Variants in LIPI observed in about 807,000 individuals in gnomAD.
The protein encoded by LIPI is lipase member I.
Under a neutral mutation model 50.6 loss-of-function variants are expected in LIPI, and 59 were observed. That is an observed-to-expected ratio of 1.16 (90% CI 0.94 to 1.45). The LOEUF (loss-of-function observed/expected upper bound fraction) is 1.45, where lower values mean the gene tolerates loss of function less well. LIPI is among the 40% of genes most tolerant of loss of function. The pLI is 0.00. For synonymous variants in LIPI, 203 were observed against 178.2 expected, an observed-to-expected ratio of 1.14 and a Z score of -1.11; for missense variants, 586 against 536.3, an observed-to-expected ratio of 1.09 and a Z score of -0.92.
At chr21:14,195,229 TATCTGG>T (rs1218120143) in intron 1 of LIPI, among the ~76,000 whole-genome samples, 1 of 152,134 alleles carries the variant, frequency 6.6e-6, no homozygotes, top group Admixed American at 6.6e-5. Context: ...GGGTCTCTTA[TATCTGG>T]ATGTTGCTGG....
chr21:14,182,665 A>T (rs2019313046), intron 3 of LIPI, among the ~76,000 whole-genome samples: 1 of 152,034 alleles, frequency 6.6e-6, no homozygotes, highest in South Asian at 2.1e-4. Context: ...AGGGATGTGA[A>T]GGACCTCTTC....
At chr21:14,146,572 C>T (rs1217602329) in intron 8 of LIPI, among the ~76,000 whole-genome samples, 2 of 152,058 alleles carry the variant, frequency 1.3e-5, no homozygotes, top group South Asian at 2.1e-4. Flanking sequence ...CTCTCCAATC[C>T]ACTGTGGTTA....
At position 14,161,703 on chromosome 21, in the gene LIPI, CATT is replaced by C. The variant is rs1430517568; in HGVS notation, c.1006+1713_1006+1715del. On this transcript the variant is annotated intron_variant, in intron 7 of 9. Coordinates refer to ENST00000681601, the MANE Select transcript of LIPI (RefSeq NM_001302998.2). Reference sequence around the variant, plus strand: ...ATTATATATTAATGTATAATATATACATTATTATATATTAATATATAATATATA... The same window carrying C: ...ATTATATATTAATGTATAATATATACATTATATATTAATATATAATATATA... 3.2e-3 allele frequency among the ~76,000 whole-genome samples: 283 copies of C among 87,792 alleles called. 6 individuals are homozygous for C. Among genetic ancestry groups the C allele is most frequent in the Non-Finnish European group, 4.6e-3 (226 of 49,456 alleles). The allele number at this position is 87,792 out of a possible 152,430, so 57.6% of individuals were successfully genotyped here.
intron 4 of LIPI, among the ~76,000 whole-genome samples, chr21:14,172,738 G>A (rs1007717108): frequency 6.6e-6 from 1 of 151,682 alleles, no homozygotes; most frequent in Non-Finnish European, 1.5e-5. Flanking sequence ...AGGGGGGAGG[G>A]ATAGCACTAG....
intron 9 of LIPI, among the ~76,000 whole-genome samples, chr21:14,137,281 C>T (rs943569056): frequency 2.0e-5 from 3 of 152,032 alleles, no homozygotes; most frequent in Non-Finnish European, 4.4e-5. Flanking sequence ...AACTATGTGA[C>T]CTTTTAGACA....
chr21:14,180,820 C>G (rs142805586), intron 4 of LIPI, among the ~76,000 whole-genome samples: 21 of 152,232 alleles, frequency 1.4e-4, no homozygotes, highest in Admixed American at 6.5e-4. Flanking sequence ...ATGGCATTTA[C>G]GTATCTCACA....
At chr21:14,160,100 C>A (rs1423831755) in intron 7 of LIPI, among the ~76,000 whole-genome samples, 2 of 151,224 alleles carry the variant, frequency 1.3e-5, no homozygotes, top group Non-Finnish European at 3.0e-5. Flanking sequence ...AAACCTCAGA[C>A]AAATTTTTGC....
At chr21:14,113,639 A>C (rs2016501918) in intron 9 of LIPI, among the ~76,000 whole-genome samples, 1 of 134,016 alleles carries the variant, frequency 7.5e-6, no homozygotes, top group African/African-American at 3.1e-5. Context: ...ACAGAAAAAA[A>C]ATCTCAAAAA....
intron 2 of LIPI, among the ~76,000 whole-genome samples, chr21:14,187,485 T>C (rs2019496342): frequency 6.6e-6 from 1 of 152,224 alleles, no homozygotes; most frequent in Admixed American, 6.5e-5. Flanking sequence ...TAAATCTTCC[T>C]CTGTAATATG....
intron 6 of LIPI, among the ~76,000 whole-genome samples, 187 bp downstream of exon 6, chr21:14,165,036 T>C (rs1167574110): frequency 1.3e-5 from 2 of 152,164 alleles, no homozygotes; most frequent in African/African-American, 4.8e-5. Context: ...TCTTTAAATA[T>C]ATTAAAAATG....
At chr21:14,115,115 A>AC (rs2016574765) in intron 9 of LIPI, among the ~76,000 whole-genome samples, 1 of 150,994 alleles carries the variant, frequency 6.6e-6, no homozygotes, top group African/African-American at 2.4e-5. Context: ...CCCGCTCCCC[A>AC]CCCCCCATAG....
chr21:14,203,137 C>T (rs1268108135), intron 1 of LIPI, among the ~76,000 whole-genome samples: 3 of 152,178 alleles, frequency 2.0e-5, no homozygotes, highest in Non-Finnish European at 4.4e-5. Flanking sequence ...CAATGAGATA[C>T]TATCTCACAC....
At chr21:14,132,717 A>G (rs1371998341) in intron 9 of LIPI, among the ~76,000 whole-genome samples, 4 of 151,586 alleles carry the variant, frequency 2.6e-5, no homozygotes, top group African/African-American at 9.8e-5. Flanking sequence ...TAAAACCACA[A>G]AGTTCTTCAA....
chr21:14,164,508 C>T (rs995257341), intron 6 of LIPI, among the ~76,000 whole-genome samples: 2 of 152,278 alleles, frequency 1.3e-5, no homozygotes, highest in African/African-American at 2.4e-5. Flanking sequence ...TAATCACTAC[C>T]TATTCCTCGA....
At chr21:14,156,837 A>G (rs1433088352) in intron 7 of LIPI, among the ~76,000 whole-genome samples, 1 of 151,876 alleles carries the variant, frequency 6.6e-6, no homozygotes, top group African/African-American at 2.4e-5. Context: ...GAAATAAGGA[A>G]CATGGCAGAG....
intron 9 of LIPI, among the ~76,000 whole-genome samples, chr21:14,111,299 A>G (rs1325542742): frequency 6.6e-6 from 1 of 151,978 alleles, no homozygotes; most frequent in African/African-American, 2.4e-5. Context: ...TCATGAGGTG[A>G]TAGCTCATTG....
At chr21:14,207,583 A>G (rs564804010) in intron 1 of LIPI, among the ~76,000 whole-genome samples, 3 of 152,306 alleles carry the variant, frequency 2.0e-5, no homozygotes, top group African/African-American at 7.2e-5. Context: ...GAATGATCTT[A>G]AAAATGGATG....
chr21:14,154,508 C>T (rs2018209235), intron 7 of LIPI, among the ~76,000 whole-genome samples: 1 of 151,580 alleles, frequency 6.6e-6, no homozygotes, highest in South Asian at 2.1e-4. Flanking sequence ...ATGTAGAAAA[C>T]TGAAATTGGT....
intron 8 of LIPI, among the ~76,000 whole-genome samples, chr21:14,150,954 TTTA>T (rs1188788732): frequency 2.6e-5 from 4 of 152,214 alleles, no homozygotes; most frequent in East Asian, 1.9e-4. Context: ...CTGCAATGTC[TTTA>T]TTAACTTTAA....
Sources: gnomAD v4.1 joint callset for allele counts (sites outside exome capture counted in the v4.1 genomes callset) on GRCh38, gnomAD v4.1.1 for gene constraint, MANE v1.5 for transcripts, NCBI Gene and HGNC (gene_info 2026-07-23, HGNC 2026-07-21) for gene names.